The following SLC35D4 variants were observed in gnomAD, a reference collection of about 807,000 sequenced individuals.
SLC35D4 encodes the protein solute carrier family 35 member D4, also known as UDP-N-acetylglucosamine transporter SLC35D4.
the SLC35D4 span, among the ~76,000 whole-genome samples, chr18:23,430,860 A>G: frequency 2.0e-5 from 3 of 152,194 alleles, no homozygotes; most frequent in Admixed American, 6.6e-5. Context: ...AAGTCATACT[A>G]AAGAAATTGA....
chr18:23,413,901 C>T, the SLC35D4 span, among the ~76,000 whole-genome samples: 2 of 151,272 alleles, frequency 1.3e-5, no homozygotes, highest in African/African-American at 4.9e-5. Context: ...CCAAGACCAT[C>T]CCACTGCACT....
At chr18:23,430,464 T>C in the SLC35D4 span, among the ~76,000 whole-genome samples, 3 of 152,204 alleles carry the variant, frequency 2.0e-5, no homozygotes, top group African/African-American at 7.2e-5. Context: ...AACATTGTTT[T>C]CATACCCCCA....
At chr18:23,354,503 G>C in the SLC35D4 span, among the ~76,000 whole-genome samples, 51 of 146,004 alleles carry the variant, frequency 3.5e-4, no homozygotes, top group African/African-American at 1.1e-3. Context: ...CTGGGCGACA[G>C]AGCGAGATTC....
the SLC35D4 span, chr18:23,376,848 A>G: frequency 2.2e-6 from 1 of 456,664 alleles, no homozygotes; most frequent in South Asian, 1.5e-5. Flanking sequence ...AGGTATCATG[A>G]GCTTTACCGC....
chr18:23,410,897 T>C, the SLC35D4 span, among the ~76,000 whole-genome samples: 1 of 152,162 alleles, frequency 6.6e-6, no homozygotes, highest in Admixed American at 6.5e-5. Flanking sequence ...TGTCTGATTC[T>C]AGGATAGCCA....
chr18:23,309,019 T>G, the SLC35D4 span, among the ~76,000 whole-genome samples: 1 of 152,102 alleles, frequency 6.6e-6, no homozygotes, highest in African/African-American at 2.4e-5. Flanking sequence ...CTCCTGTATA[T>G]TTTAAATCAT....
At chr18:23,347,320 T>A in the SLC35D4 span, among the ~76,000 whole-genome samples, 1 of 152,226 alleles carries the variant, frequency 6.6e-6, no homozygotes, top group Non-Finnish European at 1.5e-5. Flanking sequence ...AAATCTGAAG[T>A]TATCTACAAT....
At chr18:23,420,228 A>G in the SLC35D4 span, among the ~76,000 whole-genome samples, 2 of 152,264 alleles carry the variant, frequency 1.3e-5, no homozygotes, top group African/African-American at 4.8e-5. Flanking sequence ...GCTTGAACCC[A>G]GGAGGCAGAA....
At chr18:23,436,215 A>T in the SLC35D4 span, among the ~76,000 whole-genome samples, 2 of 151,266 alleles carry the variant, frequency 1.3e-5, no homozygotes, top group Non-Finnish European at 2.9e-5. Context: ...TTCAGTAGAG[A>T]CGGGGTTTCG....
chr18:23,354,351 A>T, the SLC35D4 span, among the ~76,000 whole-genome samples: 10 of 81,920 alleles, frequency 1.2e-4, no homozygotes, highest in Non-Finnish European at 2.5e-4. Flanking sequence ...AATACAAAAA[A>T]AAAAAAAAAA....
At chr18:23,376,617 T>C in the SLC35D4 span, among the ~76,000 whole-genome samples, 1 of 152,098 alleles carries the variant, frequency 6.6e-6, no homozygotes. Flanking sequence ...GGTTTTGTGG[T>C]GGGAGGAGAG....
the SLC35D4 span, among the ~76,000 whole-genome samples, chr18:23,273,257 C>T: frequency 6.6e-6 from 1 of 152,128 alleles, no homozygotes; most frequent in Non-Finnish European, 1.5e-5. Flanking sequence ...TCAGAATGAG[C>T]AGAATCAGAG....
At chr18:23,386,652 G>A in the SLC35D4 span, among the ~76,000 whole-genome samples, 1 of 151,154 alleles carries the variant, frequency 6.6e-6, no homozygotes, top group South Asian at 2.1e-4. Flanking sequence ...TGGAGGAAAG[G>A]GGCCACATCA....
the SLC35D4 span, among the ~76,000 whole-genome samples, chr18:23,246,937 C>A: frequency 6.6e-6 from 1 of 152,222 alleles, no homozygotes; most frequent in Non-Finnish European, 1.5e-5. Flanking sequence ...AAGTGATCTG[C>A]CTGCCTCAGC....
chr18:23,248,363 T>G, the SLC35D4 span, among the ~76,000 whole-genome samples: 6 of 152,128 alleles, frequency 3.9e-5, no homozygotes, highest in African/African-American at 1.2e-4. Context: ...AGTTCTGAAG[T>G]GCAGCATCCA....
chr18:23,263,771 T>C, the SLC35D4 span, among the ~76,000 whole-genome samples: 1 of 152,232 alleles, frequency 6.6e-6, no homozygotes, highest in African/African-American at 2.4e-5. Flanking sequence ...TTGGCAAGGA[T>C]GGCCACATCA....
the SLC35D4 span, among the ~76,000 whole-genome samples, chr18:23,409,481 T>C: frequency 6.6e-6 from 1 of 152,206 alleles, no homozygotes. Context: ...TACCCTTAAA[T>C]ATACAGCTGG....
the SLC35D4 span, among the ~76,000 whole-genome samples, chr18:23,308,872 C>G: frequency 4.8e-5 from 7 of 146,584 alleles, no homozygotes; most frequent in African/African-American, 1.8e-4. Flanking sequence ...CTCTCTCTCT[C>G]TCTCTGTGTG....
chr18:23,436,307 C>A, the SLC35D4 span, among the ~76,000 whole-genome samples: 1 of 80,474 alleles, frequency 1.2e-5, no homozygotes, highest in African/African-American at 5.1e-5. Flanking sequence ...GGATTACAGG[C>A]GTGAGCCACC....
Sources: gnomAD v4.1 joint callset for allele counts (sites outside exome capture counted in the v4.1 genomes callset) on GRCh38, gnomAD v4.1.1 for gene constraint, MANE v1.5 for transcripts, NCBI Gene and HGNC (gene_info 2026-07-23, HGNC 2026-07-21) for gene names.